Variants in PEPD observed in about 807,000 individuals in gnomAD.
The protein encoded by PEPD is xaa-Pro dipeptidase.
In PEPD, 53 loss-of-function variants were observed where a neutral mutation model predicts 60.7. The observed-to-expected ratio is 0.87, with a 90% confidence interval of 0.70 to 1.10. The LOEUF (loss-of-function observed/expected upper bound fraction) is 1.10. Ranked by LOEUF, PEPD falls within the 50% of genes least tolerant of loss-of-function variation. The probability of loss-of-function intolerance (pLI) is 0.00; values close to 1 mark genes in which losing one functional copy is unlikely to be tolerated. For synonymous variants in PEPD, 267 were observed against 284.1 expected (o/e 0.94, Z 0.60); for missense variants, 711 against 711.9 (o/e 1.00, Z 0.01).
At chr19:33,474,085 G>C (rs564981772) in intron 7 of PEPD, among the ~76,000 whole-genome samples, 2 of 152,214 alleles carry the variant, frequency 1.3e-5, no homozygotes, top group Non-Finnish European at 2.9e-5. Flanking sequence ...TGGGTGCCAA[G>C]GAAGCCAAGC....
chr19:33,473,294 A>ACAGACACAC (rs1970160196), intron 7 of PEPD, among the ~76,000 whole-genome samples: 1 of 152,092 alleles, frequency 6.6e-6, no homozygotes, highest in Admixed American at 6.6e-5. Context: ...AATCCTTTTC[A>ACAGACACAC]CAGACACACC....
At chr19:33,466,939 C>T (rs867922065) in intron 7 of PEPD, among the ~76,000 whole-genome samples, 8 of 151,828 alleles carry the variant, frequency 5.3e-5, no homozygotes, top group African/African-American at 1.9e-4. Context: ...GGGCAGATCA[C>T]GAGGTCAGGA....
intron 9 of PEPD, among the ~76,000 whole-genome samples, chr19:33,438,259 T>G (rs1969418423): frequency 3.3e-5 from 5 of 152,158 alleles, no homozygotes. Flanking sequence ...CCCACAGTTC[T>G]CCCAGGGTAC....
chr19:33,472,879 A>C (rs1970149726), intron 7 of PEPD, among the ~76,000 whole-genome samples: 1 of 152,206 alleles, frequency 6.6e-6, no homozygotes, highest in Admixed American at 6.5e-5. Flanking sequence ...TATCCCTCCC[A>C]CACTCCATGA....
rs35407018 is a variant in PEPD, at chr19:33,401,128, GGAGA to G, written c.967+589_967+592del. ...ACAGGTTGGCCTACGCTGGCCGCTG[GGAGA>G]GAGAAACACCAGGCCCATCCTGGCC... is the stretch of plus-strand genomic sequence containing the variant. On this transcript the variant is annotated intron_variant, in intron 12 of 14. Transcript: ENST00000244137. 2.0e-3 allele frequency among the ~76,000 whole-genome samples: 303 copies of G among 152,332 alleles called. 2 individuals carry two copies. Among genetic ancestry groups the G allele is most frequent in the Non-Finnish European group, 3.3e-3 (223 of 68,020 alleles).
At chr19:33,455,835 G>T (rs1969786526) in intron 9 of PEPD, among the ~76,000 whole-genome samples, 2 of 151,980 alleles carry the variant, frequency 1.3e-5, no homozygotes, top group South Asian at 4.2e-4. Flanking sequence ...CAGGTTTAAT[G>T]GTGAAACACT....
At chr19:33,501,412 A>AT (rs1479626800) in intron 3 of PEPD, among the ~76,000 whole-genome samples, 1 of 152,148 alleles carries the variant, frequency 6.6e-6, no homozygotes, top group Non-Finnish European at 1.5e-5. Context: ...GTTTATTTTA[A>AT]GGTCAGCCGC....
intron 9 of PEPD, among the ~76,000 whole-genome samples, chr19:33,421,443 G>T (rs918508748): frequency 6.6e-6 from 1 of 152,178 alleles, no homozygotes; most frequent in Non-Finnish European, 1.5e-5. Context: ...TTAAAGCAAA[G>T]AACATTTTCC....
Position 33,512,639 on chromosome 19 carries a change from T to A in PEPD, c.155A>T (p.Glu52Val). 6.2e-7 allele frequency: 1 copy of A among 1,613,818 alleles called. No individual in the cohort carries two copies. ...GTCGGTGCAGTAGCGCTGAGTCTCC[T>A]CCCCGCCCTGCAGGACCACGATGGA... is the stretch of plus-strand genomic sequence containing the variant. ...AGSIVVLQGG[E>V]ETQRYCTDTG... Residue 52 changes from glutamate (E) to valine (V), a missense_variant, in exon 2 of 15, where the codon GAG becomes GTG. Coordinates refer to ENST00000244137, the MANE Select transcript of PEPD (RefSeq NM_000285.4).
At position 33,440,358 on chromosome 19, in the gene PEPD, C is replaced by T. The variant is rs946312309; in HGVS notation, c.671+22637G>A. Among the ~76,000 whole-genome samples the T allele has an allele frequency of 2.0e-5, 3 of 152,130 alleles. No individual in the cohort carries two copies. In the East Asian group the frequency reaches 5.8e-4, roughly 29 times the overall value. ...CTCTGCCTTCACAACCTACCCAGGG[C>T]CTGCCTGCTCCTTCCCCATCCACTC... is the stretch of plus-strand genomic sequence containing the variant. On this transcript the variant is annotated intron_variant, in intron 9 of 14. Coordinates refer to ENST00000244137, the MANE Select transcript of PEPD (RefSeq NM_000285.4).
At chr19:33,396,849 G>A (rs1389853039) in intron 12 of PEPD, among the ~76,000 whole-genome samples, 5 of 152,126 alleles carry the variant, frequency 3.3e-5, no homozygotes, top group Non-Finnish European at 7.4e-5. Context: ...GACTGAGCCC[G>A]CGGGACAGGG....
intron 1 of PEPD, among the ~76,000 whole-genome samples, chr19:33,516,681 T>C (rs1415727977): frequency 6.6e-6 from 1 of 152,156 alleles, no homozygotes; most frequent in South Asian, 2.1e-4. Flanking sequence ...CAAGGATTCA[T>C]CCTCAAATTC....
At chr19:33,411,876 G>A in intron 10 of PEPD, 127 bp from the exon 11 acceptor site, 1 of 711,980 alleles carries the variant, frequency 1.4e-6, no homozygotes, top group South Asian at 1.5e-5. Context: ...GCCCAGGCGT[G>A]GCTGGACCAG....
intron 9 of PEPD, among the ~76,000 whole-genome samples, chr19:33,419,640 G>A (rs1006611541): frequency 6.6e-6 from 1 of 152,202 alleles, no homozygotes; most frequent in Non-Finnish European, 1.5e-5. Context: ...TGCTGACCTC[G>A]GGGCTTGCTG....
intron 9 of PEPD, among the ~76,000 whole-genome samples, chr19:33,429,324 T>C (rs1969222761): frequency 6.6e-6 from 1 of 151,734 alleles, no homozygotes; most frequent in Non-Finnish European, 1.5e-5. Context: ...CTAATACACC[T>C]GGGAATTTAG....
chr19:33,389,481 G>A (rs1025619136), intron 13 of PEPD, among the ~76,000 whole-genome samples: 7 of 148,046 alleles, frequency 4.7e-5, no homozygotes, highest in Admixed American at 3.3e-4. Context: ...CCTGTCATCC[G>A]AAGCCTGTGC....
chr19:33,431,583 C>T (rs1969275877), intron 9 of PEPD, among the ~76,000 whole-genome samples: 1 of 152,234 alleles, frequency 6.6e-6, no homozygotes, highest in East Asian at 1.9e-4. Flanking sequence ...GGAAGGACAT[C>T]CTCGGAGACA....
chr19:33,476,543 C>A (rs189019574), intron 7 of PEPD, among the ~76,000 whole-genome samples: 234 of 152,324 alleles, frequency 1.5e-3, no homozygotes, highest in Admixed American at 3.3e-3. Flanking sequence ...CCACTCAGAT[C>A]TGTCCTGCCA....
At chr19:33,435,244 G>T (rs141580098) in intron 9 of PEPD, among the ~76,000 whole-genome samples, 2 of 151,702 alleles carry the variant, frequency 1.3e-5, no homozygotes, top group African/African-American at 4.8e-5. Context: ...CGGCTGGGCC[G>T]GCGTCTGATC....
Sources: allele counts gnomAD v4.1 joint callset (sites outside exome capture counted in the v4.1 genomes callset), GRCh38; gene constraint gnomAD v4.1.1; transcripts MANE v1.5; gene names NCBI Gene and HGNC (gene_info 2026-07-23, HGNC 2026-07-21).